DACH1: variants seen among roughly 807,000 people sequenced by gnomAD.
DACH1 encodes dachshund family transcription factor 1.
DACH1 carries 12 observed loss-of-function variants against 54.2 expected under a neutral mutation model. The ratio of observed to expected loss-of-function variants is 0.22; its 90% CI spans 0.14 to 0.36. DACH1 has a LOEUF of 0.36. DACH1 is among the 10% of genes least tolerant of loss of function. The probability of loss-of-function intolerance (pLI) is 1.00; values close to 1 mark genes in which losing one functional copy is unlikely to be tolerated. For synonymous variants in DACH1, 386 were observed against 366.2 expected, an observed-to-expected ratio of 1.05 and a Z score of -0.62; for missense variants, 805 against 929.8, an observed-to-expected ratio of 0.87 and a Z score of 1.75.
At chr13:71,664,343 T>G (rs904520687) in intron 2 of DACH1, among the ~76,000 whole-genome samples, 2 of 151,984 alleles carry the variant, frequency 1.3e-5, no homozygotes, top group African/African-American at 2.4e-5. Context: ...GACTAAACTT[T>G]TTGTGAATTT....
At chr13:71,491,898 G>C (rs1408708757) in intron 6 of DACH1, among the ~76,000 whole-genome samples, 2 of 152,174 alleles carry the variant, frequency 1.3e-5, no homozygotes, top group African/African-American at 4.8e-5. Context: ...CAATGTAGAA[G>C]AGAGTTTTGA....
chr13:71,521,792 T>C (rs1881620123), intron 6 of DACH1, among the ~76,000 whole-genome samples: 1 of 152,106 alleles, frequency 6.6e-6, no homozygotes, highest in Non-Finnish European at 1.5e-5. Flanking sequence ...CCCTCTCAAA[T>C]GGTTTAAAGA....
At chr13:71,758,246 G>A (rs1885251554) in intron 1 of DACH1, among the ~76,000 whole-genome samples, 1 of 152,124 alleles carries the variant, frequency 6.6e-6, no homozygotes, top group African/African-American at 2.4e-5. Flanking sequence ...TGTCAGTTGT[G>A]ATGTGTGCAT....
At chr13:71,700,279 C>A (rs756979303) in intron 1 of DACH1, among the ~76,000 whole-genome samples, 1 of 151,970 alleles carries the variant, frequency 6.6e-6, no homozygotes, top group African/African-American at 2.4e-5. Context: ...GCAAGCTGGC[C>A]AGGCATGGTG....
At chr13:71,556,874 G>A in intron 6 of DACH1, 150 bp downstream of exon 6, 1 of 755,916 alleles carries the variant, frequency 1.3e-6, no homozygotes, top group South Asian at 2.9e-5. Context: ...TGAATGAATA[G>A]GTTTAATTTG....
At chr13:71,447,648 T>C (rs1020996521) in intron 10 of DACH1, among the ~76,000 whole-genome samples, 1 of 151,888 alleles carries the variant, frequency 6.6e-6, no homozygotes, top group African/African-American at 2.4e-5. Flanking sequence ...CCTGCCATCA[T>C]GGTGAAACCC....
chr13:71,752,203 C>G (rs1312456567), intron 1 of DACH1, among the ~76,000 whole-genome samples: 2 of 152,128 alleles, frequency 1.3e-5, no homozygotes, highest in Non-Finnish European at 2.9e-5. Context: ...CTGAAAGCTC[C>G]TTCTGAGCTA....
At chr13:71,680,683 T>C (rs1473063256) in intron 2 of DACH1, among the ~76,000 whole-genome samples, 2 of 152,118 alleles carry the variant, frequency 1.3e-5, no homozygotes, top group Admixed American at 6.5e-5. Flanking sequence ...AATGAACAAA[T>C]AGCCGAAATA....
At chr13:71,753,372 T>C (rs1201660245) in intron 1 of DACH1, among the ~76,000 whole-genome samples, 1 of 152,202 alleles carries the variant, frequency 6.6e-6, no homozygotes, top group East Asian at 1.9e-4. Flanking sequence ...ACTGCACTCC[T>C]GCTGAACCAA....
chr13:71,783,262 G>C (rs1296761335), intron 1 of DACH1, among the ~76,000 whole-genome samples: 1 of 152,090 alleles, frequency 6.6e-6, no homozygotes, highest in Non-Finnish European at 1.5e-5. Context: ...GGCAACTCAA[G>C]ATGAACAAAA....
intron 1 of DACH1, among the ~76,000 whole-genome samples, chr13:71,789,333 T>A (rs1175925360): frequency 3.9e-5 from 6 of 152,096 alleles, no homozygotes; most frequent in Admixed American, 3.3e-4. Flanking sequence ...TAACTGAATA[T>A]GAAGATTAGA....
chr13:71,522,492 T>G (rs924653297), intron 6 of DACH1, among the ~76,000 whole-genome samples: 10 of 151,968 alleles, frequency 6.6e-5, no homozygotes, highest in Admixed American at 6.6e-4. Context: ...AAAAGTCAAG[T>G]TCCAAACCAA....
At chr13:71,542,331 C>T (rs1257403989) in intron 6 of DACH1, among the ~76,000 whole-genome samples, 1 of 151,954 alleles carries the variant, frequency 6.6e-6, no homozygotes, top group African/African-American at 2.4e-5. Flanking sequence ...AGTTGTACAT[C>T]AGGTATAAAA....
At chr13:71,542,887 C>A (rs575584912) in intron 6 of DACH1, among the ~76,000 whole-genome samples, 2 of 152,196 alleles carry the variant, frequency 1.3e-5, no homozygotes, top group East Asian at 1.9e-4. Flanking sequence ...AATAAGTGAG[C>A]ATTTTCAGGA....
At chr13:71,779,181 A>ATATATACG (rs1465256713) in intron 1 of DACH1, among the ~76,000 whole-genome samples, 1 of 130,878 alleles carries the variant, frequency 7.6e-6, no homozygotes, top group Non-Finnish European at 1.6e-5. Flanking sequence ...ATATATACAC[A>ATATATACG]TATATACGTA....
intron 3 of DACH1, among the ~76,000 whole-genome samples, chr13:71,594,705 C>T (rs536620957): frequency 2.9e-4 from 44 of 152,128 alleles, no homozygotes; most frequent in African/African-American, 1.0e-3. Context: ...TTTCTGGAAA[C>T]ATTAATGTTT....
intron 3 of DACH1, 64 bp downstream of exon 3, chr13:71,630,492 A>G: frequency 4.8e-6 from 7 of 1,472,476 alleles, no homozygotes; most frequent in Non-Finnish European, 5.4e-6. Context: ...TTGTTCTGGA[A>G]AAGCATTTAC....
At chr13:71,498,367 A>T (rs1265399880) in intron 6 of DACH1, among the ~76,000 whole-genome samples, 7 of 152,212 alleles carry the variant, frequency 4.6e-5, no homozygotes, top group Admixed American at 4.6e-4. Flanking sequence ...AGGAATACAG[A>T]CTGCAAAAAT....
At chr13:71,701,172 A>G (rs941051991) in intron 1 of DACH1, among the ~76,000 whole-genome samples, 9 of 152,166 alleles carry the variant, frequency 5.9e-5, no homozygotes, top group Non-Finnish European at 1.2e-4. Context: ...CTTAACAAAA[A>G]CACAGATTCA....
Sources: allele counts gnomAD v4.1 joint callset (sites outside exome capture counted in the v4.1 genomes callset), GRCh38; gene constraint gnomAD v4.1.1; transcripts MANE v1.5; gene names NCBI Gene and HGNC (gene_info 2026-07-23, HGNC 2026-07-21).